Variants in MTM1 observed in about 807,000 individuals in gnomAD.
MTM1 encodes myotubularin.
In MTM1, 9 loss-of-function variants were observed where a neutral mutation model predicts 52.1. That is an observed-to-expected ratio of 0.17 (90% CI 0.10 to 0.30). The LOEUF (loss-of-function observed/expected upper bound fraction) is 0.30. Ranked by LOEUF, MTM1 falls within the 10% of genes least tolerant of loss-of-function variation. MTM1 has a pLI of 1.00. For missense variants in MTM1, 277 were observed against 470.7 expected (o/e 0.59, Z 3.81); for synonymous variants, 136 against 163.8 (o/e 0.83, Z 1.29).
chrX:150,603,595 A>G, intron 4 of MTM1, among the ~76,000 whole-genome samples: 1 of 112,070 alleles, frequency 8.9e-6, no homozygotes, highest in Non-Finnish European at 1.9e-5. Context: ...CACTTGAAAG[A>G]TAGGAGCTGC....
chrX:150,582,168 C>G (rs1400916973), intron 1 of MTM1, among the ~76,000 whole-genome samples: 1 of 110,866 alleles, frequency 9.0e-6, no homozygotes, highest in African/African-American at 3.3e-5. Context: ...GAGTAGCTGC[C>G]CACTATATAG....
At chrX:150,631,516 A>T (rs2039665992) in intron 6 of MTM1, among the ~76,000 whole-genome samples, 1 of 109,822 alleles carries the variant, frequency 9.1e-6, no homozygotes, top group Admixed American at 9.7e-5. Flanking sequence ...TACAAAAATT[A>T]GCTGGGTGTG....
chrX:150,592,949 T>C (rs1168217851), intron 2 of MTM1, among the ~76,000 whole-genome samples: 1 of 110,400 alleles, frequency 9.1e-6, no homozygotes, highest in Non-Finnish European at 1.9e-5. Flanking sequence ...ATTCAAGTGA[T>C]TCTCCTGCCT....
chrX:150,635,494 C>T lies in MTM1; in HGVS notation c.445-3449C>T, dbSNP rs782566974. Among the ~76,000 whole-genome samples the T allele has an allele frequency of 8.9e-5, 10 of 112,212 alleles. No individual in the cohort carries two copies. The South Asian group carries it at 2.9e-3, about 33-fold the overall frequency. On this transcript the variant is annotated intron_variant, in intron 6 of 14. Transcript: ENST00000370396. The stretch of plus-strand genomic sequence containing the variant: ...TAAATGACAGCTAAAAACCTCAAGA[C>T]GTATAACCTATTCACTTCAGGTTTT...
rs1557414814 is a variant in MTM1 at position 150,663,580 on chromosome X, A to G, written c.1615A>G (p.Ile539Val). Residue 539 changes from isoleucine (I) to valine (V), a missense_variant, in exon 14 of 15, where the codon ATT becomes GTT. By Grantham distance (29) the Ile-to-Val change is conservative. Coordinates refer to ENST00000370396, the MANE Select transcript of MTM1 (RefSeq NM_000252.3). Reference protein sequence around the residue: ...RHLELWVNYYIRWNPRIKQQQ... With the variant: ...RHLELWVNYYVRWNPRIKQQQ... ...CTTGGAACTCTGGGTGAATTACTAC[A>G]TTAGATGGAACCCCAGGATCAAGCA... The G allele has an allele frequency of 4.1e-6, 5 of 1,211,367 alleles. No individual in the cohort carries two copies. The South Asian group carries it at 7.0e-5, about 17-fold the overall frequency.
chrX:150,615,293 G>C lies in MTM1; in HGVS notation c.342+594G>C, dbSNP rs1176781824. Among the ~76,000 whole-genome samples the C allele has an allele frequency of 2.7e-5, 3 of 111,492 alleles. No homozygotes were observed. In the East Asian group the frequency reaches 8.5e-4, roughly 31 times the overall value. ...GGGTAACTTTGCTAAGATAATTTCT[G>C]AAGGCTGGGACCCAAAAGGTGGGGA... On this transcript the variant is annotated intron_variant, in intron 5 of 14. Coordinates refer to ENST00000370396, the MANE Select transcript of MTM1 (RefSeq NM_000252.3).
intron 1 of MTM1, among the ~76,000 whole-genome samples, chrX:150,583,936 A>AT: frequency 3.5e-4 from 15 of 42,298 alleles, no homozygotes; most frequent in African/African-American, 1.1e-3. Context: ...ATTAAATTAA[A>AT]ATATATATAT....
intron 6 of MTM1, among the ~76,000 whole-genome samples, chrX:150,634,075 T>C (rs1307594424): frequency 8.9e-6 from 1 of 112,302 alleles, no homozygotes; most frequent in Non-Finnish European, 1.9e-5. Context: ...TTCCCTGAAG[T>C]TTTAAGTTTA....
chrX:150,625,428 T>C (rs1434604037), intron 6 of MTM1, among the ~76,000 whole-genome samples: 1 of 111,646 alleles, frequency 9.0e-6, no homozygotes, highest in Non-Finnish European at 1.9e-5. Context: ...TGGGGCACTT[T>C]AAGCTCTTTC....
intron 1 of MTM1, among the ~76,000 whole-genome samples, chrX:150,587,254 C>T (rs1269965217): frequency 9.0e-6 from 1 of 111,665 alleles, no homozygotes; most frequent in African/African-American, 3.3e-5. Flanking sequence ...TTATGTACTT[C>T]GGCTGAAGAC....
At chrX:150,622,751 G>T (rs1557413329) in intron 6 of MTM1, among the ~76,000 whole-genome samples, 1 of 111,178 alleles carries the variant, frequency 9.0e-6, no homozygotes, top group Non-Finnish European at 1.9e-5. Context: ...GAGTGATGAG[G>T]GTGGGGCACT....
intron 1 of MTM1, among the ~76,000 whole-genome samples, chrX:150,570,737 T>C (rs782228597): frequency 8.9e-6 from 1 of 111,817 alleles, no homozygotes; most frequent in Non-Finnish European, 1.9e-5. Flanking sequence ...ACCTCTTATC[T>C]GAAATGATCA....
intron 1 of MTM1, among the ~76,000 whole-genome samples, chrX:150,581,229 A>C (rs2038578288): frequency 8.9e-6 from 1 of 112,141 alleles, no homozygotes; most frequent in Admixed American, 9.5e-5. Context: ...ATGTAGCTTT[A>C]AATTCCAAAG....
At chrX:150,568,263 A>C (rs953465172), upstream of MTM1, among the ~76,000 whole-genome samples, 10 of 113,221 alleles carry the variant, frequency 8.8e-5, no homozygotes, top group African/African-American at 3.2e-4. Flanking sequence ...AGACCCAGAC[A>C]AGGGTCCCGG....
chrX:150,646,748 GTTAT>G (rs2039938034), intron 9 of MTM1, among the ~76,000 whole-genome samples: 1 of 112,452 alleles, frequency 8.9e-6, no homozygotes, highest in African/African-American at 3.2e-5. Context: ...TTATCCTGAG[GTTAT>G]TTGTCTAGCA....
intron 4 of MTM1, among the ~76,000 whole-genome samples, chrX:150,603,146 C>T (rs1263880102): frequency 1.8e-5 from 2 of 111,700 alleles, no homozygotes; most frequent in East Asian, 2.8e-4. Flanking sequence ...AGAGAGTTAC[C>T]GTGTCTATAT....
At chrX:150,664,484 G>A (rs1557414847) in intron 14 of MTM1, among the ~76,000 whole-genome samples, 1 of 112,592 alleles carries the variant, frequency 8.9e-6, no homozygotes, top group Admixed American at 9.4e-5. Context: ...CTCCTCACTG[G>A]AGAAGTGCCC....
At chrX:150,579,469 A>G (rs1411328973) in intron 1 of MTM1, among the ~76,000 whole-genome samples, 4 of 110,663 alleles carry the variant, frequency 3.6e-5, no homozygotes, top group Non-Finnish European at 5.7e-5. Flanking sequence ...TAAGTATTTC[A>G]TTTTTTTTGG....
At chrX:150,660,948 C>A (rs1603207069) in intron 13 of MTM1, among the ~76,000 whole-genome samples, 1 of 112,044 alleles carries the variant, frequency 8.9e-6, no homozygotes, top group Middle Eastern at 4.6e-3. Context: ...GTCCTCATGA[C>A]CCAAACACCT....
Sources: gnomAD v4.1 joint callset for allele counts (sites outside exome capture counted in the v4.1 genomes callset) on GRCh38, gnomAD v4.1.1 for gene constraint, MANE v1.5 for transcripts, NCBI Gene and HGNC (gene_info 2026-07-23, HGNC 2026-07-21) for gene names.